Variants in CDH26 observed in about 807,000 individuals in gnomAD.
CDH26 encodes the protein cadherin-like protein 26.
A neutral mutation model predicts 90.3 loss-of-function variants in CDH26; 83 were observed. That is an observed-to-expected ratio of 0.92 (90% confidence interval 0.77 to 1.10). The LOEUF (loss-of-function observed/expected upper bound fraction) is 1.10, where lower values mean the gene tolerates loss of function less well. Among genes scored for constraint, CDH26 ranks in the 50% least tolerant of loss-of-function variants. The pLI is 0.00. For missense variants in CDH26, 1,013 were observed against 1,037.6 expected (o/e 0.98, Z 0.33); for synonymous variants, 397 against 396.3 (o/e 1.00, Z -0.02).
downstream of CDH26, among the ~76,000 whole-genome samples, chr20:60,019,390 T>C (rs1335635988): frequency 6.6e-6 from 1 of 152,196 alleles, no homozygotes; most frequent in African/African-American, 2.4e-5. Flanking sequence ...TCCTGTAGTC[T>C]TTCTTCATTC....
intron 17 of CDH26, among the ~76,000 whole-genome samples, chr20:60,010,667 A>G (rs2061824278): frequency 6.6e-6 from 1 of 152,206 alleles, no homozygotes; most frequent in Admixed American, 6.5e-5. Context: ...TATGAAGCCT[A>G]GGAAATGTTT....
At chr20:60,021,853 C>CACACACACACACACACACACACACAT (rs2061954377) in intron 7 of CDH26, among the ~76,000 whole-genome samples, 5 of 52,630 alleles carry the variant, frequency 9.5e-5, no homozygotes, top group East Asian at 3.4e-4. Flanking sequence ...TATCTGTACA[C>CACACACACACACACACACACACACAT]ACACACACAC....
intron 8 of CDH26, among the ~76,000 whole-genome samples, chr20:59,988,613 C>T (rs1003617296): frequency 6.6e-6 from 1 of 152,076 alleles, no homozygotes; most frequent in African/African-American, 2.4e-5. Flanking sequence ...ATGGTTGTCT[C>T]ATTAATGTTT....
chr20:59,967,213 T>C (rs1304523060), intron 1 of CDH26, among the ~76,000 whole-genome samples: 1 of 152,140 alleles, frequency 6.6e-6, no homozygotes, highest in East Asian at 1.9e-4. Context: ...ACACAGGAAG[T>C]TTCAATTTTA....
intron 3 of CDH26, among the ~76,000 whole-genome samples, chr20:59,971,293 C>T (rs968352999): frequency 6.6e-6 from 1 of 152,112 alleles, no homozygotes; most frequent in Non-Finnish European, 1.5e-5. Flanking sequence ...GGTTCATATT[C>T]CTACTGCACC....
chr20:59,992,671 A>G lies in CDH26; in HGVS notation c.1426+151A>G, dbSNP rs957153052. The G allele has an allele frequency of 6.4e-6, 5 of 778,116 alleles. No individual in the cohort carries two copies. Among genetic ancestry groups the G allele is most frequent in the Non-Finnish European group, 1.0e-5 (5 of 493,790 alleles). 48.2% of individuals were successfully genotyped at this position (778,116 alleles called of 1,614,324 possible). A position where few individuals can be genotyped will look rare whatever the true frequency, so the allele number is the denominator to read the frequency against. On this transcript the variant is annotated intron_variant, in intron 10 of 17. Coordinates refer to ENST00000348616, the MANE Select transcript of CDH26 (RefSeq NM_177980.4). This position sits in a 1 kb window ranked among gnomAD's most constrained non-coding sequence, Gnocchi z 5.0. ...ATCCATGCTGGTGATTATTTTTGGTAATAATTCTTAAAATGGTAAACAAGG... is the reference window on the plus strand; with the variant it reads ...ATCCATGCTGGTGATTATTTTTGGTGATAATTCTTAAAATGGTAAACAAGG...
chr20:60,018,227 TG>T (rs2061921760), downstream of CDH26, among the ~76,000 whole-genome samples: 1 of 152,120 alleles, frequency 6.6e-6, no homozygotes, highest in East Asian at 1.9e-4. Flanking sequence ...ATTATTGTAT[TG>T]GGGCTTATTT....
In CDH26 at chr20:60,014,007, A is replaced by G. The variant is rs966056649; in HGVS notation, c.*1277A>G. The G allele has an allele frequency of 2.9e-5, 3 of 102,592 alleles. No homozygotes were observed. The highest frequency in any genetic ancestry group is 8.3e-5 in the African/African-American group (3 of 36,240). The allele number at this position is 102,592 out of a possible 1,614,324, so 6.4% of individuals were successfully genotyped here. Reference sequence around the variant, plus strand: ...GGGCATTTTCTGGGTAATTCAGGATAAAAGTATTTTTTTTTTTAAGAAAAA... The same window carrying G: ...GGGCATTTTCTGGGTAATTCAGGATGAAAGTATTTTTTTTTTTAAGAAAAA... On this transcript the variant is annotated 3_prime_UTR_variant, in exon 18 of 18. Transcript: ENST00000348616.
intron 1 of CDH26, among the ~76,000 whole-genome samples, chr20:59,966,987 A>T (rs1207606077): frequency 1.4e-5 from 2 of 143,702 alleles, no homozygotes; most frequent in East Asian, 2.0e-4. Context: ...AATGATAAGT[A>T]AAAAAAAAAA....
At chr20:60,023,096 A>G (rs1601225013) in intron 7 of CDH26, among the ~76,000 whole-genome samples, 1 of 152,162 alleles carries the variant, frequency 6.6e-6, no homozygotes. Context: ...TACTGGCTGG[A>G]ATTAGAATGT....
chr20:60,035,666 C>T (rs2062076838), downstream of CDH26, among the ~76,000 whole-genome samples: 1 of 151,844 alleles, frequency 6.6e-6, no homozygotes. Flanking sequence ...AATCTCATCT[C>T]GAATTGTGAT....
intron 12 of CDH26, 186 bp from the exon 13 acceptor site, chr20:59,996,445 A>T: frequency 1.3e-6 from 2 of 1,592,156 alleles, no homozygotes; most frequent in Non-Finnish European, 1.7e-6. Context: ...TAATTCAACA[A>T]ACAGTTATGT....
chr20:59,983,178 C>T (rs189917486), intron 5 of CDH26, 108 bp downstream of exon 5: 1 of 1,283,720 alleles, frequency 7.8e-7, no homozygotes, highest in Non-Finnish European at 1.1e-6. Flanking sequence ...AGAGTTTTTA[C>T]TGTTCACATC....
chr20:60,029,697 C>T (rs1488953657), intron 7 of CDH26, among the ~76,000 whole-genome samples: 3 of 152,050 alleles, frequency 2.0e-5, no homozygotes, highest in Non-Finnish European at 4.4e-5. Flanking sequence ...CATGTGTTCT[C>T]ATTGCTCGAC....
At chr20:59,996,354 C>G in intron 12 of CDH26, 1 of 1,453,240 alleles carries the variant, frequency 6.9e-7, no homozygotes, top group Non-Finnish European at 9.0e-7. Context: ...GATATTCAGG[C>G]TCCTGGACTT....
chr20:60,033,483 C>T lies in CDH26; in HGVS notation c.1144-3C>T, dbSNP rs183393857. 32 of 1,301,984 alleles carry T rather than the reference C, an allele frequency of 2.5e-5. No individual in the cohort carries two copies. In the Admixed American group the frequency reaches 6.3e-4, roughly 26 times the overall value. 80.7% of individuals were successfully genotyped at this position (1,301,984 alleles called of 1,614,324 possible). On this transcript the variant is annotated splice_region_variant and splice_polypyrimidine_tract_variant and intron_variant, in intron 8 of 8. Coordinates refer to the CDH26 transcript ENST00000370991. ...CACTTTCTGTTTTCACCCCATTTTG[C>T]AGATGAGGAGAACAAGGCTGGGAGA...
intron 1 of CDH26, among the ~76,000 whole-genome samples, chr20:59,963,236 T>G (rs1448129145): frequency 6.7e-6 from 1 of 148,522 alleles, no homozygotes; most frequent in African/African-American, 2.5e-5. Context: ...ACATAGCTGG[T>G]GAGGGGTAGA....
intron 7 of CDH26, among the ~76,000 whole-genome samples, chr20:59,985,421 C>G (rs2061445133): frequency 6.6e-6 from 1 of 151,954 alleles, no homozygotes. Context: ...CAAGAGCATG[C>G]AAGACACGGG....
At chr20:60,033,694 G>A in exon 9 of CDH26, 1 of 1,298,692 alleles carries the variant, frequency 7.7e-7, no homozygotes, top group Non-Finnish European at 1.0e-6. Context: ...GTACGGTGGA[G>A]GGGCATGGGC....
Sources: gnomAD v4.1 joint callset for allele counts (sites outside exome capture counted in the v4.1 genomes callset) on GRCh38, gnomAD v4.1.1 for gene constraint, Gnocchi (gnomAD v3.1) non-coding constraint, MANE v1.5 for transcripts, NCBI Gene and HGNC (gene_info 2026-07-23, HGNC 2026-07-21) for gene names.